The following ALDH9A1 variants were observed in gnomAD, a reference collection of about 807,000 sequenced individuals.
The protein encoded by ALDH9A1 is 4-trimethylaminobutyraldehyde dehydrogenase.
Under a neutral mutation model 56.6 loss-of-function variants are expected in ALDH9A1, and 42 were observed. The ratio of observed to expected loss-of-function variants is 0.74; its 90% CI spans 0.58 to 0.96. The LOEUF is 0.96. Ranked by LOEUF, ALDH9A1 falls within the 40% of genes least tolerant of loss-of-function variation. The pLI is 0.00. For synonymous variants in ALDH9A1, 242 were observed against 236.0 expected (o/e 1.03, Z -0.23); for missense variants, 661 against 651.5 (o/e 1.01, Z -0.16).
At chr1:165,687,176 C>A (rs1165166643) in intron 2 of ALDH9A1, among the ~76,000 whole-genome samples, 4 of 151,968 alleles carry the variant, frequency 2.6e-5, no homozygotes, top group African/African-American at 4.8e-5. Flanking sequence ...GAGAAAAAAA[C>A]CCATAAACAC....
Position 165,679,483 on chromosome 1 carries a change from C to T in ALDH9A1, c.889G>A (p.Val297Ile). 1.2e-6 allele frequency: 2 copies of T among 1,614,180 alleles called. No homozygotes were observed. Among genetic ancestry groups the T allele is most frequent in the Non-Finnish European group, 1.7e-6 (2 of 1,180,018 alleles). The change falls in exon 6 of 11, where the codon GTA becomes ATA. Residue 297 changes from valine (V) to isoleucine (I), a missense_variant. By Grantham distance (29) the Val-to-Ile change is conservative (BLOSUM62 3). Coordinates refer to ENST00000354775, the MANE Select transcript of ALDH9A1 (RefSeq NM_000696.4). ...AAGTTGGCCATCAGCGCCCCCTTTA[C>T]AGCATTGTTCATATCACAGTCTGAG... ...IFSDCDMNNA[V>I]KGALMANFLT...
chr1:165,678,592 G>C (rs1272316904), intron 6 of ALDH9A1, among the ~76,000 whole-genome samples: 1 of 152,172 alleles, frequency 6.6e-6, no homozygotes, highest in Admixed American at 6.5e-5. Context: ...AGTGGTGATA[G>C]AAGTATTTAC....
At chr1:165,694,793 G>A (rs543395362) in intron 2 of ALDH9A1, among the ~76,000 whole-genome samples, 1 of 151,558 alleles carries the variant, frequency 6.6e-6, no homozygotes, top group South Asian at 2.1e-4. Context: ...CCATCTCTAC[G>A]AAAAATACAA....
chr1:165,671,444 T>A, intron 6 of ALDH9A1: 1 of 443,350 alleles, frequency 2.3e-6, no homozygotes, highest in Non-Finnish European at 4.4e-6. Flanking sequence ...TCCTGAGAGA[T>A]TCACATGATG....
At chr1:165,676,374 T>C (rs1649355600) in intron 6 of ALDH9A1, 1 of 180,024 alleles carries the variant, frequency 5.6e-6, no homozygotes, top group South Asian at 1.2e-4. Flanking sequence ...TTAGAAAACA[T>C]GGAGTTGTTC....
intron 6 of ALDH9A1, among the ~76,000 whole-genome samples, chr1:165,670,539 T>TA (rs1346519765): frequency 6.6e-6 from 1 of 152,026 alleles, no homozygotes; most frequent in African/African-American, 2.4e-5. Flanking sequence ...AAAAAATTGA[T>TA]AAATTTGACT....
chr1:165,691,065 G>C (rs1649873299), intron 2 of ALDH9A1, among the ~76,000 whole-genome samples: 1 of 152,192 alleles, frequency 6.6e-6, no homozygotes, highest in Non-Finnish European at 1.5e-5. Context: ...GCCTCCTCAA[G>C]TGGGTCCCTG....
At chr1:165,664,151 A>G (rs1648933166) in intron 10 of ALDH9A1, among the ~76,000 whole-genome samples, 1 of 152,156 alleles carries the variant, frequency 6.6e-6, no homozygotes, top group Non-Finnish European at 1.5e-5. Context: ...GACAAATAAG[A>G]CTGTCAAATT....
chr1:165,691,662 A>T (rs1649894295), intron 2 of ALDH9A1, among the ~76,000 whole-genome samples: 1 of 152,260 alleles, frequency 6.6e-6, no homozygotes, highest in South Asian at 2.1e-4. Flanking sequence ...TACAAAGATG[A>T]GCTGGTACTA....
At chr1:165,683,400 G>A (rs766594362) in intron 2 of ALDH9A1, among the ~76,000 whole-genome samples, 1 of 152,214 alleles carries the variant, frequency 6.6e-6, no homozygotes, top group Non-Finnish European at 1.5e-5. Context: ...CATGCCCTCT[G>A]AGGCTCTGAA....
At chr1:165,690,663 A>G (rs1390326165) in intron 2 of ALDH9A1, among the ~76,000 whole-genome samples, 1 of 152,142 alleles carries the variant, frequency 6.6e-6, no homozygotes, top group Non-Finnish European at 1.5e-5. Flanking sequence ...CCACCCTAAT[A>G]CTGCGCTTTT....
At chr1:165,697,761 G>A (rs1650136918) in intron 1 of ALDH9A1, among the ~76,000 whole-genome samples, 1 of 152,172 alleles carries the variant, frequency 6.6e-6, no homozygotes, top group South Asian at 2.1e-4. Flanking sequence ...GGGCTTGGTG[G>A]CTCACGGCTG....
At chr1:165,672,887 G>A (rs1327892248) in intron 6 of ALDH9A1, among the ~76,000 whole-genome samples, 1 of 150,940 alleles carries the variant, frequency 6.6e-6, no homozygotes, top group Non-Finnish European at 1.5e-5. Flanking sequence ...CAGTGAGCTG[G>A]GATGATGTCA....
At chr1:165,687,753 C>T (rs972863948) in intron 2 of ALDH9A1, among the ~76,000 whole-genome samples, 4 of 151,238 alleles carry the variant, frequency 2.6e-5, no homozygotes, top group East Asian at 3.9e-4. Context: ...TTTGGGAAGC[C>T]GAGGTGGGCG....
rs550494650 is a variant in ALDH9A1 at position 165,682,584 on chromosome 1, T to C, written c.458-343A>G. 5.6e-4 allele frequency among the ~76,000 whole-genome samples: 86 copies of C among 152,314 alleles called. 2 individuals carry two copies. The South Asian group carries it at 0.017, about 30-fold the overall frequency. ...ACAGCAGGGGAAGCATGTAAGTTCC[T>C]TGCAACCTTCCTAGGCCCTACCAAC... On this transcript the variant is annotated intron_variant, in intron 3 of 10. Transcript: ENST00000354775.
At chr1:165,694,443 AT>A (rs1044984591) in intron 2 of ALDH9A1, among the ~76,000 whole-genome samples, 1 of 151,858 alleles carries the variant, frequency 6.6e-6, no homozygotes, top group African/African-American at 2.4e-5. Context: ...TGTTTTTACA[AT>A]TTTTTTTAGT....
chr1:165,683,238 T>C (rs989180242), intron 2 of ALDH9A1, 128 bp from the exon 3 acceptor site: 2 of 1,004,094 alleles, frequency 2.0e-6, no homozygotes, highest in African/African-American at 3.2e-5. Context: ...TGAAAAGAAA[T>C]GGCAGTGTTA....
intron 1 of ALDH9A1, 39 bp downstream of exon 1, chr1:165,698,338 GC>G: frequency 3.8e-6 from 6 of 1,562,962 alleles, no homozygotes; most frequent in Non-Finnish European, 5.2e-6. Context: ...CGCGCATCCG[GC>G]CCCAGGGCGC....
At chr1:165,677,857 CA>C (rs35531113) in intron 6 of ALDH9A1, among the ~76,000 whole-genome samples, 7,780 of 87,148 alleles carry the variant, frequency 0.089, 225 homozygotes, top group African/African-American at 0.14. Flanking sequence ...GACTCTGTCT[CA>C]AAAAAAAAAA....
Sources: allele counts gnomAD v4.1 joint callset (sites outside exome capture counted in the v4.1 genomes callset), GRCh38; gene constraint gnomAD v4.1.1; transcripts MANE v1.5; gene names NCBI Gene and HGNC (gene_info 2026-07-23, HGNC 2026-07-21).